USP47: variants seen among roughly 807,000 people sequenced by gnomAD.
USP47 encodes the protein ubiquitin specific peptidase 47, also known as ubiquitin carboxyl-terminal hydrolase 47.
USP47 carries 35 observed loss-of-function variants against 165.1 expected under a neutral mutation model. The observed-to-expected ratio is 0.21, with a 90% CI of 0.16 to 0.28. The LOEUF (loss-of-function observed/expected upper bound fraction) is 0.28, where lower values mean the gene tolerates loss of function less well. Ranked by LOEUF, USP47 falls within the 10% of genes least tolerant of loss-of-function variation. The pLI is 1.00. For missense variants in USP47, 1,277 were observed against 1,607.4 expected (o/e 0.79, Z 3.52); for synonymous variants, 531 against 544.5 (o/e 0.98, Z 0.35).
intron 24 of USP47, chr11:11,951,258 A>G (rs61871871): frequency 0.017 from 2,557 of 152,262 alleles, 33 homozygotes; most frequent in Middle Eastern, 0.034. Context: ...GTCCTATTGT[A>G]TTAGGGCCCA....
At chr11:11,847,063 G>T (rs1848467523) in intron 1 of USP47, among the ~76,000 whole-genome samples, 1 of 152,092 alleles carries the variant, frequency 6.6e-6, no homozygotes, top group African/African-American at 2.4e-5. Context: ...AATTGTATAT[G>T]ATTCTAATTT....
At chr11:11,890,550 T>C (rs1046201185) in intron 3 of USP47, among the ~76,000 whole-genome samples, 17 of 151,996 alleles carry the variant, frequency 1.1e-4, no homozygotes, top group African/African-American at 3.9e-4. Context: ...CAAAAGATGC[T>C]GGCAAGGTTG....
At chr11:11,912,554 G>A (rs1322818866) in intron 8 of USP47, among the ~76,000 whole-genome samples, 1 of 151,800 alleles carries the variant, frequency 6.6e-6, no homozygotes, top group East Asian at 1.9e-4. Flanking sequence ...CTCTTGAAAG[G>A]AAATCTCCAA....
At position 11,943,135 on chromosome 11, in the gene USP47, G is replaced by A. The variant is rs770337025; in HGVS notation, c.3091+23G>A. The A allele has an allele frequency of 1.6e-5, 25 of 1,570,934 alleles. No individual in the cohort carries two copies. The Middle Eastern group carries it at 1.2e-3, about 75-fold the overall frequency. ...AATGTATGTACTTCAAAAGAAAAACGGTCCTTGAAACAGCATCAGTTTTTC... is the reference window on the plus strand; with the variant it reads ...AATGTATGTACTTCAAAAGAAAAACAGTCCTTGAAACAGCATCAGTTTTTC... On this transcript the variant is annotated intron_variant, in intron 20 of 27. Transcript: ENST00000527733.
intron 7 of USP47, 112 bp downstream of exon 7, chr11:11,903,454 T>A: frequency 1.1e-6 from 1 of 916,808 alleles, no homozygotes; most frequent in Non-Finnish European, 1.6e-6. Context: ...GTCTCATGGT[T>A]AAAGTACCCA....
At position 11,875,707 on chromosome 11, in the gene USP47, G is replaced by T. The variant is rs551156388; in HGVS notation, c.40-4470G>T. 2.6e-5 allele frequency among the ~76,000 whole-genome samples: 4 copies of T among 152,206 alleles called. 1 individual carries two copies. In the South Asian group the frequency reaches 8.3e-4, roughly 32 times the overall value. ...CAAACTCTACCTCCCAGGTTCAAGCGATTCTCCTGCTTCTGCCTTCCAAGT... is the reference window on the plus strand; with the variant it reads ...CAAACTCTACCTCCCAGGTTCAAGCTATTCTCCTGCTTCTGCCTTCCAAGT... On this transcript the variant is annotated intron_variant, in intron 1 of 27. Coordinates refer to ENST00000527733, the MANE Select transcript of USP47 (RefSeq NM_001282659.2).
rs759048866 is a variant in USP47, at chr11:11,929,526, T to G, written c.1479T>G (p.Asp493Glu). ...ATGCATGTATAAAGTCATTCAGTGA[T>G]GAGCAGTGGTACAGCTTCAATGATC... ...HYYACIKSFSDEQWYSFNDQH... is the reference protein window; with the variant it reads ...HYYACIKSFSEEQWYSFNDQH... The change falls in exon 12 of 28, where the codon GAT (aspartate) becomes GAG (glutamate). Residue 493 changes from aspartate (D) to glutamate (E), a missense_variant. Coordinates refer to ENST00000527733, the MANE Select transcript of USP47 (RefSeq NM_001282659.2). 6 of 1,613,212 alleles carry G rather than the reference T, an allele frequency of 3.7e-6. No homozygotes were observed. The highest frequency in any genetic ancestry group is 3.4e-6 in the Non-Finnish European group (4 of 1,179,394).
chr11:11,928,090 A>G (rs1040466854), intron 11 of USP47, among the ~76,000 whole-genome samples: 1 of 152,054 alleles, frequency 6.6e-6, no homozygotes, highest in African/African-American at 2.4e-5. Flanking sequence ...ATGAAACTTA[A>G]AAAATGTATA....
intron 1 of USP47, among the ~76,000 whole-genome samples, chr11:11,877,805 C>CTGTGTG (rs10577564): frequency 1.4e-5 from 1 of 71,122 alleles, no homozygotes; most frequent in East Asian, 5.6e-4. Flanking sequence ...CTCTCTCTCT[C>CTGTGTG]TGTGTGTGTG....
intron 1 of USP47, among the ~76,000 whole-genome samples, chr11:11,874,827 G>A (rs1405313739): frequency 6.6e-6 from 1 of 152,154 alleles, no homozygotes; most frequent in Non-Finnish European, 1.5e-5. Flanking sequence ...CCAAAGTGCT[G>A]GGTTTACAGG....
chr11:11,943,372 A>G (rs925491212), intron 20 of USP47: 2 of 260,236 alleles, frequency 7.7e-6, no homozygotes, highest in Non-Finnish European at 1.4e-5. Flanking sequence ...TATAATTACT[A>G]AGTAAAAAAT....
chr11:11,875,100 T>C (rs139534673), intron 1 of USP47, among the ~76,000 whole-genome samples: 1 of 150,760 alleles, frequency 6.6e-6, no homozygotes, highest in East Asian at 2.0e-4. Flanking sequence ...CTTGTAACCA[T>C]AATACTATTA....
chr11:11,950,045 TA>T, intron 23 of USP47, 41 bp downstream of exon 23: 1 of 1,432,420 alleles, frequency 7.0e-7, no homozygotes, highest in Non-Finnish European at 9.8e-7. Context: ...GAAGAAAGAC[TA>T]TGTGGTCAGT....
At chr11:11,921,231 C>T (rs988081914) in intron 10 of USP47, among the ~76,000 whole-genome samples, 6 of 151,090 alleles carry the variant, frequency 4.0e-5, no homozygotes, top group Admixed American at 1.3e-4. Flanking sequence ...TACCCTGAAG[C>T]GTTTTTTTTT....
At chr11:11,890,183 A>G (rs917117067) in intron 3 of USP47, among the ~76,000 whole-genome samples, 3 of 152,226 alleles carry the variant, frequency 2.0e-5, no homozygotes, top group African/African-American at 7.2e-5. Flanking sequence ...AATTGCAACA[A>G]AAGCAAAAAT....
At chr11:11,930,825 A>G (rs947933548) in intron 14 of USP47, 74 bp downstream of exon 14, 2 of 1,209,778 alleles carry the variant, frequency 1.7e-6, no homozygotes, top group South Asian at 1.4e-5. Context: ...GCAAACCCAG[A>G]TAACTACTTT....
At chr11:11,887,107 G>A (rs201264469) in intron 3 of USP47, among the ~76,000 whole-genome samples, 4 of 152,110 alleles carry the variant, frequency 2.6e-5, no homozygotes, top group Non-Finnish European at 1.5e-5. Flanking sequence ...AGGAAAAACT[G>A]TTACCAGCCA....
intron 11 of USP47, among the ~76,000 whole-genome samples, chr11:11,925,596 T>C (rs1854180540): frequency 6.6e-6 from 1 of 152,118 alleles, no homozygotes; most frequent in Non-Finnish European, 1.5e-5. Flanking sequence ...GTGTGTTGAT[T>C]TTGTATCCTG....
At chr11:11,905,641 G>A in intron 8 of USP47, 93 bp downstream of exon 8, 1 of 1,255,038 alleles carries the variant, frequency 8.0e-7, no homozygotes, top group Non-Finnish European at 1.1e-6. Flanking sequence ...TATCATCCTA[G>A]ATACACCTTC....
Sources: allele counts gnomAD v4.1 joint callset (sites outside exome capture counted in the v4.1 genomes callset), GRCh38; gene constraint gnomAD v4.1.1; transcripts MANE v1.5; gene names NCBI Gene and HGNC (gene_info 2026-07-23, HGNC 2026-07-21).